The following PYROXD1 variants were observed in gnomAD, a reference collection of about 807,000 sequenced individuals.
PYROXD1 encodes pyridine nucleotide-disulphide oxidoreductase domain 1.
A neutral mutation model predicts 62.0 loss-of-function variants in PYROXD1; 42 were observed. The ratio of observed to expected loss-of-function variants is 0.68; its 90% CI spans 0.53 to 0.88. The LOEUF is 0.88. Among genes scored for constraint, PYROXD1 ranks in the 40% least tolerant of loss-of-function variants. PYROXD1 has a pLI of 0.00. For missense variants in PYROXD1, 493 were observed against 604.8 expected (o/e 0.82, Z 1.94); for synonymous variants, 170 against 206.4 (o/e 0.82, Z 1.51).
intron 2 of PYROXD1, among the ~76,000 whole-genome samples, chr12:21,443,922 A>G (rs1406337281): frequency 6.6e-6 from 1 of 152,214 alleles, no homozygotes; most frequent in Non-Finnish European, 1.5e-5. Flanking sequence ...AATTATAGCT[A>G]TTAATCTTTA....
intron 10 of PYROXD1, among the ~76,000 whole-genome samples, chr12:21,466,613 G>A (rs1377016578): frequency 6.6e-6 from 1 of 152,134 alleles, no homozygotes; most frequent in Non-Finnish European, 1.5e-5. Flanking sequence ...TGCAAACAGG[G>A]ACAATTTGAC....
chr12:21,468,030 C>T (rs1040459972), intron 11 of PYROXD1, among the ~76,000 whole-genome samples: 9 of 149,390 alleles, frequency 6.0e-5, no homozygotes, highest in South Asian at 2.1e-4. Context: ...TTTTTTTTTC[C>T]CTAATTTACA....
chr12:21,459,500 AAATT>A (rs1429595139), intron 7 of PYROXD1, among the ~76,000 whole-genome samples: 1 of 152,214 alleles, frequency 6.6e-6, no homozygotes, highest in Non-Finnish European at 1.5e-5. Flanking sequence ...ATATTCTAAT[AAATT>A]AATTGAACCT....
chr12:21,454,908 C>T (rs561061779), intron 5 of PYROXD1: 119 of 314,896 alleles, frequency 3.8e-4, no homozygotes, highest in African/African-American at 2.4e-3. Flanking sequence ...GTATTTGTCA[C>T]TTAAAGGTTC....
At chr12:21,439,456 A>G (rs1377030532) in intron 1 of PYROXD1, among the ~76,000 whole-genome samples, 1 of 152,304 alleles carries the variant, frequency 6.6e-6, no homozygotes, top group East Asian at 1.9e-4. Context: ...GAAAGTTCAA[A>G]TAAAATGAGA....
chr12:21,440,394 T>C lies in PYROXD1; in HGVS notation c.111T>C (p.Asp37=). ...EQLATHFPSE[D]ILLVTASPVI... ...TGGCTACTCACTTTCCATCGGAAGA[T>C]ATTCTCTTGGTAACAGCTTCTCCTG... is the stretch of plus-strand genomic sequence containing the variant. Residue 37 remains aspartate (D), a synonymous_variant, in exon 2 of 12, where the codon GAT becomes GAC. Coordinates refer to ENST00000240651, the MANE Select transcript of PYROXD1 (RefSeq NM_024854.5). 1.3e-6 allele frequency: 2 copies of C among 1,599,740 alleles called. No individual in the cohort carries two copies. The highest frequency in any genetic ancestry group is 2.3e-5 in the South Asian group (2 of 87,826).
rs1177012673 is a variant in PYROXD1, at chr12:21,469,451, A to G, written c.*697A>G. The G allele has an allele frequency of 1.3e-5, 2 of 151,440 alleles. No homozygotes were observed. Among genetic ancestry groups the G allele is most frequent in the Non-Finnish European group, 2.9e-5 (2 of 67,908 alleles). The allele number at this position is 151,440 out of a possible 1,614,324, so 9.4% of individuals were successfully genotyped here. A position where few individuals can be genotyped will look rare whatever the true frequency, so the allele number is the denominator to read the frequency against. On this transcript the variant is annotated 3_prime_UTR_variant, in exon 12 of 12. Transcript: ENST00000240651. ...TGCGGCCCAAGACAATTCTTCTTCC[A>G]ATGTGGCTCAGGGAAGCCAAAAGAT...
chr12:21,461,243 C>T (rs905032652), intron 8 of PYROXD1, 89 bp downstream of exon 8: 41 of 793,074 alleles, frequency 5.2e-5, no homozygotes, highest in Middle Eastern at 3.4e-4. Context: ...AAAATAACTT[C>T]GTATTTCCAT....
At chr12:21,457,612 A>G (rs999554223) in intron 7 of PYROXD1, among the ~76,000 whole-genome samples, 6 of 152,238 alleles carry the variant, frequency 3.9e-5, no homozygotes, top group African/African-American at 1.4e-4. Flanking sequence ...CGGGCTGTAC[A>G]GGAAGCATGA....
chr12:21,470,454 T>G lies in PYROXD1; in HGVS notation c.*1700T>G, dbSNP rs1449281470. The G allele has an allele frequency of 8.9e-6, 11 of 1,232,950 alleles. No homozygotes were observed. The East Asian group carries it at 2.9e-4, about 32-fold the overall frequency. 76.4% of individuals were successfully genotyped at this position (1,232,950 alleles called of 1,614,324 possible). A position where few individuals can be genotyped will look rare whatever the true frequency, so the allele number is the denominator to read the frequency against. On this transcript the variant is annotated 3_prime_UTR_variant, in exon 12 of 12. Coordinates refer to ENST00000240651, the MANE Select transcript of PYROXD1 (RefSeq NM_024854.5). ...AATATTCTTTCTGTATCAGTTGGCTTTTTAAGTATACAGGGGTCTAGTTTT... is the reference window on the plus strand; with the variant it reads ...AATATTCTTTCTGTATCAGTTGGCTGTTTAAGTATACAGGGGTCTAGTTTT...
Position 21,447,593 on chromosome 12 carries a change from A to C in PYROXD1, c.286-1970A>C, listed in dbSNP as rs1160234016. 1.8e-5 allele frequency: 3 copies of C among 168,992 alleles called. No homozygotes were observed. The East Asian group carries it at 5.7e-4, about 32-fold the overall frequency. 10.5% of individuals were successfully genotyped at this position (168,992 alleles called of 1,614,324 possible). A position where few individuals can be genotyped will look rare whatever the true frequency, so the allele number is the denominator to read the frequency against. On this transcript the variant is annotated intron_variant, in intron 3 of 11. Transcript: ENST00000240651. Reference sequence around the variant, plus strand: ...TATAATTTCTTTTATTTAACAATCTAGGAAGTTGGCAGCCATCAGCAGTTC... The same window carrying C: ...TATAATTTCTTTTATTTAACAATCTCGGAAGTTGGCAGCCATCAGCAGTTC...
At position 21,471,003 on chromosome 12, in the gene PYROXD1, A is replaced by G; in HGVS notation, c.*2249A>G. ...GTTCTGCGTGGACTTTGTCACTTGCATAGTAATAGCATGTGCCTCATTGTT... is the reference window on the plus strand; with the variant it reads ...GTTCTGCGTGGACTTTGTCACTTGCGTAGTAATAGCATGTGCCTCATTGTT... On this transcript the variant is annotated 3_prime_UTR_variant, in exon 12 of 12. Coordinates refer to ENST00000240651, the MANE Select transcript of PYROXD1 (RefSeq NM_024854.5). 6.4e-7 allele frequency: 1 copy of G among 1,569,498 alleles called. No individual in the cohort carries two copies. Among genetic ancestry groups the G allele is most frequent in the Non-Finnish European group, 8.6e-7 (1 of 1,163,286 alleles).
rs762917973 is a variant in PYROXD1, at chr12:21,461,970, C to G, written c.881-38C>G. 1.4e-5 allele frequency: 18 copies of G among 1,328,638 alleles called. No individual in the cohort carries two copies. In the Admixed American group the frequency reaches 3.1e-4, roughly 23 times the overall value. The allele number at this position is 1,328,638 out of a possible 1,614,324, so 82.3% of individuals were successfully genotyped here. ...ACTGCTGTGGTGATGGTTCCATTTA[C>G]AAATAAAGTCTGTTTTTTTGGTTTT... On this transcript the variant is annotated intron_variant, in intron 8 of 11. Coordinates refer to ENST00000240651, the MANE Select transcript of PYROXD1 (RefSeq NM_024854.5).
chr12:21,446,047 T>C (rs190340533), intron 3 of PYROXD1, among the ~76,000 whole-genome samples: 103 of 151,840 alleles, frequency 6.8e-4, no homozygotes, highest in African/African-American at 2.4e-3. Flanking sequence ...GGGATTAGGG[T>C]GTGGTTAAGT....
intron 11 of PYROXD1, 69 bp from the exon 12 acceptor site, chr12:21,468,437 A>C: frequency 7.0e-7 from 1 of 1,433,218 alleles, no homozygotes; most frequent in East Asian, 2.3e-5. Context: ...CAAACTTGAC[A>C]CAAAATAACT....
chr12:21,455,195 C>T lies in PYROXD1; in HGVS notation c.552C>T (p.Phe184=), dbSNP rs775751471. 3 of 1,571,944 alleles carry T rather than the reference C, an allele frequency of 1.9e-6. No homozygotes were observed. The highest frequency in any genetic ancestry group is 2.6e-6 in the Non-Finnish European group (3 of 1,158,614). Residue 184 remains phenylalanine, a synonymous_variant, in exon 6 of 12, where the codon TTC becomes TTT. Transcript: ENST00000240651. The part of the protein sequence containing the change: ...AIKDKAIGNT[F]FDAGAAEFLT... ...AAGATAAAGCTATAGGGAATACTTT[C>T]TTCGATGCAGGAGCAGCTGAATTCT...
At chr12:21,453,786 A>G (rs1200560745) in intron 5 of PYROXD1, among the ~76,000 whole-genome samples, 6 of 152,082 alleles carry the variant, frequency 3.9e-5, no homozygotes, top group Non-Finnish European at 8.8e-5. Context: ...AGTCATCAGT[A>G]TGCTGAAGTG....
intron 7 of PYROXD1, among the ~76,000 whole-genome samples, chr12:21,459,291 CA>C (rs1172974379): frequency 6.6e-6 from 1 of 152,082 alleles, no homozygotes; most frequent in African/African-American, 2.4e-5. Context: ...CATGAAAACC[CA>C]AAAGGACTGG....
In PYROXD1 at chr12:21,449,303, T is replaced by C. The variant is rs61926272; in HGVS notation, c.286-260T>C. ...AAAACTTTGTGTGAATGTACCTTTT[T>C]ATGCCAGGGGAGAAAGACTAGTTTT... On this transcript the variant is annotated intron_variant, in intron 3 of 11. Transcript: ENST00000240651. 0.031 allele frequency among the ~76,000 whole-genome samples: 4,775 copies of C among 152,308 alleles called. 134 individuals carry two copies. Among genetic ancestry groups the C allele is most frequent in the Admixed American group, 0.076 (1,164 of 15,294 alleles).
Sources: gnomAD v4.1 joint callset for allele counts (sites outside exome capture counted in the v4.1 genomes callset) on GRCh38, gnomAD v4.1.1 for gene constraint, MANE v1.5 for transcripts, NCBI Gene and HGNC (gene_info 2026-07-23, HGNC 2026-07-21) for gene names.